The following CAND2 variants were observed in gnomAD, a reference collection of about 807,000 sequenced individuals.
The protein encoded by CAND2 is cullin-associated NEDD8-dissociated protein 2.
In CAND2, 62 loss-of-function variants were observed where a neutral mutation model predicts 98.9. The observed-to-expected ratio is 0.63, with a 90% CI of 0.51 to 0.77. CAND2 has a LOEUF of 0.77. CAND2 is among the 30% of genes least tolerant of loss of function. The probability of loss-of-function intolerance (pLI) is 0.00; values close to 1 mark genes in which losing one functional copy is unlikely to be tolerated. For synonymous variants in CAND2, 770 were observed against 731.9 expected (o/e 1.05, Z -0.84); for missense variants, 1,501 against 1,655.2 (o/e 0.91, Z 1.62).
chr3:12,828,276 T>C (rs1363954485), intron 13 of CAND2, among the ~76,000 whole-genome samples: 2 of 151,842 alleles, frequency 1.3e-5, no homozygotes, highest in African/African-American at 2.4e-5. Flanking sequence ...CATTTAATTG[T>C]GGCGAAATAT....
Position 12,816,967 on chromosome 3 carries a change from C to G in CAND2, c.2035C>G (p.Leu679Val). ...GGCCACACTGGCAGCCCTGGACGCCCTGGCCCAGAGCCAGGGCCTCAGCCT... is the reference window on the plus strand; with the variant it reads ...GGCCACACTGGCAGCCCTGGACGCCGTGGCCCAGAGCCAGGGCCTCAGCCT... The part of the protein sequence containing the change: ...RLATLAALDA[L>V]AQSQGLSLPP... The change falls in exon 10 of 15, where the codon CTG becomes GTG. Residue 679 changes from leucine to valine, a missense_variant. Leu to Val is a conservative substitution (Grantham distance 32). Coordinates refer to ENST00000456430, the MANE Select transcript of CAND2 (RefSeq NM_001162499.2). 1.2e-6 allele frequency: 2 copies of G among 1,613,188 alleles called. No individual in the cohort carries two copies. Among genetic ancestry groups the G allele is most frequent in the South Asian group, 2.2e-5 (2 of 91,074 alleles).
chr3:12,820,160 C>T lies in CAND2; in HGVS notation c.3019C>T (p.Pro1007Ser). The T allele has an allele frequency of 6.2e-7, 1 of 1,614,052 alleles. No individual in the cohort carries two copies. The highest frequency in any genetic ancestry group is 8.5e-7 in the Non-Finnish European group (1 of 1,179,924). The change falls in exon 11 of 15, where the codon CCC becomes TCC. Residue 1007 changes from proline to serine, a missense_variant. Pro to Ser is a moderately conservative substitution (Grantham distance 74, BLOSUM62 -1). Coordinates refer to ENST00000456430, the MANE Select transcript of CAND2 (RefSeq NM_001162499.2). ...LISDQPHPID[P>S]LLKSFIGEFM... Reference sequence around the variant, plus strand: ...CTCGGACCAGCCCCATCCCATTGACCCCCTCCTGAAGAGCTTCATCGGTGA... The same window carrying T: ...CTCGGACCAGCCCCATCCCATTGACTCCCTCCTGAAGAGCTTCATCGGTGA...
At chr3:12,819,536 C>G (rs1002896173) in intron 10 of CAND2, among the ~76,000 whole-genome samples, 1 of 151,974 alleles carries the variant, frequency 6.6e-6, no homozygotes, top group Non-Finnish European at 1.5e-5. Context: ...TGTGACCGAG[C>G]CTGGAGGTGA....
At chr3:12,800,803 A>T (rs781369620) in intron 1 of CAND2, among the ~76,000 whole-genome samples, 1 of 151,946 alleles carries the variant, frequency 6.6e-6, no homozygotes, top group Non-Finnish European at 1.5e-5. Context: ...GCTCACTGCA[A>T]CCTCTGCCTC....
At chr3:12,796,867 C>T in intron 1 of CAND2, 79 bp downstream of exon 1, 1 of 1,179,530 alleles carries the variant, frequency 8.5e-7, no homozygotes, top group Non-Finnish European at 1.2e-6. Context: ...AGCGCCAGCC[C>T]ATCCCCCATG....
chr3:12,800,627 AC>A (rs2061758798), intron 1 of CAND2, among the ~76,000 whole-genome samples: 1 of 152,090 alleles, frequency 6.6e-6, no homozygotes, highest in Non-Finnish European at 1.5e-5. Context: ...GGCAGCCACA[AC>A]CTGATTCTAA....
chr3:12,833,272 A>G (rs1405598113), intron 14 of CAND2, among the ~76,000 whole-genome samples: 1 of 152,072 alleles, frequency 6.6e-6, no homozygotes, highest in Non-Finnish European at 1.5e-5. Context: ...GGGTGCTTAC[A>G]CTCCGGCTGC....
intron 1 of CAND2, among the ~76,000 whole-genome samples, chr3:12,797,062 A>AC (rs2061731098): frequency 7.6e-6 from 1 of 131,064 alleles, no homozygotes; most frequent in Non-Finnish European, 1.6e-5. Context: ...CCTACCTCTC[A>AC]CCCCCGATCA....
chr3:12,817,170 G>A lies in CAND2; in HGVS notation c.2238G>A (p.Ser746=), dbSNP rs748611101. 10 of 1,612,776 alleles carry A rather than the reference G, an allele frequency of 6.2e-6. No homozygotes were observed. The highest frequency in any genetic ancestry group is 5.0e-5 in the Admixed American group (3 of 60,004). The change falls in exon 10 of 15, where the codon TCG becomes TCA. Residue 746 remains serine, a synonymous_variant. Coordinates refer to ENST00000456430, the MANE Select transcript of CAND2 (RefSeq NM_001162499.2). ...VLSELLRLLR[S]PLLPAGVLAA... Reference sequence around the variant, plus strand: ...CAGAGCTGCTGCGGCTGCTGCGTTCGCCCCTGTTGCCAGCCGGGGTTCTGG... The same window carrying A: ...CAGAGCTGCTGCGGCTGCTGCGTTCACCCCTGTTGCCAGCCGGGGTTCTGG...
intron 13 of CAND2, among the ~76,000 whole-genome samples, chr3:12,830,198 A>T (rs2062041969): frequency 6.6e-6 from 1 of 152,068 alleles, no homozygotes. Context: ...GCCAACCCCC[A>T]AGAAAGAGAA....
chr3:12,833,340 A>G (rs9842369), intron 14 of CAND2, among the ~76,000 whole-genome samples: 2,760 of 152,260 alleles, frequency 0.018, 76 homozygotes, highest in African/African-American at 0.062. Context: ...CTGCTAGAAG[A>G]CCATCGCAGT....
At chr3:12,808,855 A>G (rs963116861) in intron 4 of CAND2, among the ~76,000 whole-genome samples, 4 of 152,176 alleles carry the variant, frequency 2.6e-5, no homozygotes, top group African/African-American at 9.6e-5. Context: ...AGGCAGAGAC[A>G]GGGGAAGACT....
chr3:12,805,423 C>T (rs1180197748), intron 2 of CAND2, among the ~76,000 whole-genome samples: 1 of 151,914 alleles, frequency 6.6e-6, no homozygotes, highest in Admixed American at 6.6e-5. Flanking sequence ...CAGTAGCTGA[C>T]ATTACAGGCA....
At chr3:12,806,276 C>A (rs1174240526) in intron 2 of CAND2, among the ~76,000 whole-genome samples, 1 of 152,158 alleles carries the variant, frequency 6.6e-6, no homozygotes, top group African/African-American at 2.4e-5. Context: ...CCACTGTATT[C>A]CAGCCTGGGC....
chr3:12,830,671 GTCA>G (rs1390581806), intron 13 of CAND2, among the ~76,000 whole-genome samples: 10 of 152,210 alleles, frequency 6.6e-5, no homozygotes, highest in African/African-American at 2.2e-4. Flanking sequence ...ACAGCTTTGC[GTCA>G]TCAAGTCTTC....
chr3:12,806,664 C>T (rs1028006559), intron 2 of CAND2, among the ~76,000 whole-genome samples: 1 of 152,192 alleles, frequency 6.6e-6, no homozygotes, highest in Non-Finnish European at 1.5e-5. Flanking sequence ...GCAACTAAGG[C>T]CAAGAACGAG....
intron 3 of CAND2, among the ~76,000 whole-genome samples, chr3:12,807,683 C>T (rs573446774): frequency 8.5e-5 from 13 of 152,268 alleles, no homozygotes; most frequent in South Asian, 4.2e-4. Flanking sequence ...ATCTAACTAA[C>T]GGCAGTTTAA....
intron 14 of CAND2, chr3:12,832,229 A>C (rs2062059109): frequency 6.6e-6 from 1 of 152,258 alleles, no homozygotes; most frequent in Admixed American, 6.5e-5. Flanking sequence ...TCTTCTGTGG[A>C]TAAAACACTA....
Position 12,816,963 on chromosome 3 carries a change from C to A in CAND2, c.2031C>A (p.Asp677Glu), listed in dbSNP as rs377443431. 6.2e-7 allele frequency: 1 copy of A among 1,613,178 alleles called. No homozygotes were observed. Among genetic ancestry groups the A allele is most frequent in the Non-Finnish European group, 8.5e-7 (1 of 1,179,878 alleles). Residue 677 changes from aspartate (D) to glutamate (E), a missense_variant, in exon 10 of 15, where the codon GAC becomes GAA. This residue lies in a region of CAND2 where 1,427 missense variants were observed against 1,545.3 expected (regional missense o/e 0.92). Coordinates refer to ENST00000456430, the MANE Select transcript of CAND2 (RefSeq NM_001162499.2). ...GACTGGCCACACTGGCAGCCCTGGACGCCCTGGCCCAGAGCCAGGGCCTCA... is the reference window on the plus strand; with the variant it reads ...GACTGGCCACACTGGCAGCCCTGGAAGCCCTGGCCCAGAGCCAGGGCCTCA... ...ALRLATLAAL[D>E]ALAQSQGLSL...
Sources: allele counts gnomAD v4.1 joint callset (sites outside exome capture counted in the v4.1 genomes callset), GRCh38; gene constraint gnomAD v4.1.1; regional missense constraint gnomAD v4.1.1; transcripts MANE v1.5; gene names NCBI Gene and HGNC (gene_info 2026-07-23, HGNC 2026-07-21).